PHACTR1: variants seen among roughly 807,000 people sequenced by gnomAD.
The protein encoded by PHACTR1 is RPEL repeat containing 1.
A neutral mutation model predicts 69.2 loss-of-function variants in PHACTR1; 16 were observed. The observed-to-expected ratio is 0.23, with a 90% CI of 0.16 to 0.35. PHACTR1 has a LOEUF of 0.35. Ranked by LOEUF, PHACTR1 falls within the 10% of genes least tolerant of loss-of-function variation. The probability of loss-of-function intolerance (pLI) is 1.00; values close to 1 mark genes in which losing one functional copy is unlikely to be tolerated. For synonymous variants in PHACTR1, 312 were observed against 284.5 expected (o/e 1.10, Z -0.97); for missense variants, 510 against 734.7 (o/e 0.69, Z 3.54).
chr6:13,083,220 C>G (rs1489563958), intron 5 of PHACTR1, among the ~76,000 whole-genome samples: 5 of 151,042 alleles, frequency 3.3e-5, no homozygotes, highest in African/African-American at 7.3e-5. Context: ...CCCATTTCTT[C>G]TTTTTGTCAG....
intron 4 of PHACTR1, among the ~76,000 whole-genome samples, chr6:12,928,950 A>C (rs1433614345): frequency 6.6e-6 from 1 of 152,220 alleles, no homozygotes; most frequent in African/African-American, 2.4e-5. Flanking sequence ...AGAATGTCTG[A>C]GTGTCGGAGC....
chr6:12,827,567 G>C (rs148917364), intron 4 of PHACTR1, among the ~76,000 whole-genome samples: 214 of 152,296 alleles, frequency 1.4e-3, no homozygotes, highest in African/African-American at 4.5e-3. Context: ...AGTGTCAATA[G>C]ACAGAGTCAA....
intron 6 of PHACTR1, among the ~76,000 whole-genome samples, chr6:13,173,264 G>A (rs376307745): frequency 2.6e-5 from 4 of 152,126 alleles, no homozygotes; most frequent in East Asian, 3.8e-4. Context: ...AACTTAAATC[G>A]TTTTTTGTTT....
intron 10 of PHACTR1, among the ~76,000 whole-genome samples, chr6:13,232,829 G>A (rs889444660): frequency 6.6e-6 from 1 of 152,112 alleles, no homozygotes; most frequent in Admixed American, 6.5e-5. Flanking sequence ...ATCCTCTAGG[G>A]AATCAGAAAA....
At chr6:12,722,875 C>T (rs1048451357) in intron 3 of PHACTR1, among the ~76,000 whole-genome samples, 3 of 152,102 alleles carry the variant, frequency 2.0e-5, no homozygotes, top group Non-Finnish European at 4.4e-5. Flanking sequence ...GGGAGTTCTG[C>T]GGAAGTCCCC....
At chr6:13,137,726 GGA>G (rs1821776641) in intron 5 of PHACTR1, among the ~76,000 whole-genome samples, 1 of 152,226 alleles carries the variant, frequency 6.6e-6, no homozygotes, top group Non-Finnish European at 1.5e-5. Context: ...CATTCACTAG[GGA>G]GAGAGTCTTG....
intron 10 of PHACTR1, among the ~76,000 whole-genome samples, chr6:13,271,278 C>T (rs1777653638): frequency 6.6e-6 from 1 of 152,158 alleles, no homozygotes; most frequent in Admixed American, 6.5e-5. Context: ...CATGAGGGCT[C>T]CCCATCCAAG....
intron 3 of PHACTR1, among the ~76,000 whole-genome samples, chr6:12,721,202 A>T (rs1430288263): frequency 6.6e-6 from 1 of 152,180 alleles, no homozygotes; most frequent in African/African-American, 2.4e-5. Context: ...CCTGACCAAC[A>T]TGGTGAAACC....
chr6:13,269,799 A>C (rs1167135538), intron 10 of PHACTR1, among the ~76,000 whole-genome samples: 1 of 152,116 alleles, frequency 6.6e-6, no homozygotes, highest in Non-Finnish European at 1.5e-5. Context: ...GCACCACTGC[A>C]CTCCAGCCTG....
chr6:12,767,435 AT>A (rs1193043891), intron 4 of PHACTR1, among the ~76,000 whole-genome samples: 10 of 152,198 alleles, frequency 6.6e-5, no homozygotes, highest in African/African-American at 2.4e-4. Flanking sequence ...TTTTTAAGCA[AT>A]GGAGAAAAAG....
intron 3 of PHACTR1, among the ~76,000 whole-genome samples, chr6:12,732,394 A>C (rs1763658398): frequency 6.6e-6 from 1 of 151,986 alleles, no homozygotes; most frequent in Non-Finnish European, 1.5e-5. Context: ...CATGTGCAGA[A>C]CGTGCAGGTT....
In PHACTR1 at chr6:12,769,641, C is replaced by T. The variant is rs1454071179; in HGVS notation, c.250+19851C>T. On this transcript the variant is annotated intron_variant, in intron 4 of 14. Transcript: ENST00000332995. ...AAAGGTCTTAGAACGGTCGTGGGTACATAGTGAGCACTGAGGAAATGTTCA... is the reference window on the plus strand; with the variant it reads ...AAAGGTCTTAGAACGGTCGTGGGTATATAGTGAGCACTGAGGAAATGTTCA... Among the ~76,000 whole-genome samples the T allele has an allele frequency of 3.3e-5, 5 of 152,320 alleles. No individual in the cohort carries two copies. In the East Asian group the frequency reaches 7.7e-4, roughly 24 times the overall value.
At chr6:12,990,654 C>G (rs1448049830) in intron 4 of PHACTR1, among the ~76,000 whole-genome samples, 1 of 152,222 alleles carries the variant, frequency 6.6e-6, no homozygotes, top group Admixed American at 6.5e-5. Context: ...GTGTTGACAG[C>G]TCAGTGGTAG....
intron 14 of PHACTR1, among the ~76,000 whole-genome samples, 162 bp downstream of exon 14, chr6:13,286,384 C>A (rs570371281): frequency 6.6e-6 from 1 of 152,098 alleles, no homozygotes; most frequent in African/African-American, 2.4e-5. Flanking sequence ...GTTACTGAAA[C>A]GAGGAAGTGG....
intron 5 of PHACTR1, among the ~76,000 whole-genome samples, chr6:13,136,354 G>C (rs1821546026): frequency 6.6e-6 from 1 of 152,170 alleles, no homozygotes; most frequent in Non-Finnish European, 1.5e-5. Context: ...AAACTCTGCT[G>C]GTTTTAGACT....
chr6:13,236,301 C>T (rs1771978420), intron 10 of PHACTR1, among the ~76,000 whole-genome samples: 1 of 152,132 alleles, frequency 6.6e-6, no homozygotes, highest in African/African-American at 2.4e-5. Context: ...TATGATTATT[C>T]CCAATGATCA....
At chr6:12,730,542 T>G (rs1315313312) in intron 3 of PHACTR1, among the ~76,000 whole-genome samples, 5 of 152,072 alleles carry the variant, frequency 3.3e-5, no homozygotes, top group Non-Finnish European at 7.4e-5. Flanking sequence ...TCTAAAATGC[T>G]GCAAAGGAAG....
chr6:13,284,327 G>C (rs980579846), intron 13 of PHACTR1, among the ~76,000 whole-genome samples: 2 of 151,668 alleles, frequency 1.3e-5, no homozygotes, highest in African/African-American at 4.8e-5. Flanking sequence ...AGACCAGCCT[G>C]ACCAACATGA....
intron 12 of PHACTR1, among the ~76,000 whole-genome samples, chr6:13,282,406 A>G (rs1465084837): frequency 6.6e-6 from 1 of 152,212 alleles, no homozygotes; most frequent in Non-Finnish European, 1.5e-5. Context: ...GGGAGATGGC[A>G]AAATACATAC....
Sources: allele counts gnomAD v4.1 joint callset (sites outside exome capture counted in the v4.1 genomes callset), GRCh38; gene constraint gnomAD v4.1.1; transcripts MANE v1.5; gene names NCBI Gene and HGNC (gene_info 2026-07-23, HGNC 2026-07-21).